GGNBP2: variants seen among roughly 807,000 people sequenced by gnomAD.
The protein encoded by GGNBP2 is gametogenetin binding protein 2.
A neutral mutation model predicts 85.9 loss-of-function variants in GGNBP2; 10 were observed. The observed-to-expected ratio is 0.12, with a 90% CI of 0.07 to 0.20. The LOEUF (loss-of-function observed/expected upper bound fraction) is 0.20. Among genes scored for constraint, GGNBP2 ranks in the 10% least tolerant of loss-of-function variants. The pLI is 1.00. For synonymous variants in GGNBP2, 287 were observed against 285.7 expected, an observed-to-expected ratio of 1.00 and a Z score of -0.05; for missense variants, 595 against 857.8, an observed-to-expected ratio of 0.69 and a Z score of 3.83.
At chr17:36,551,465 A>G (rs375616671) in intron 2 of GGNBP2, among the ~76,000 whole-genome samples, 2 of 151,958 alleles carry the variant, frequency 1.3e-5, no homozygotes, top group African/African-American at 2.4e-5. Flanking sequence ...GGGCCTCCCA[A>G]AGTGCTGGGA....
At chr17:36,551,010 G>A (rs116103706) in intron 2 of GGNBP2, among the ~76,000 whole-genome samples, 371 of 152,298 alleles carry the variant, frequency 2.4e-3, no homozygotes, top group African/African-American at 8.4e-3. Flanking sequence ...TGAAAGGCGA[G>A]GACAGAGTAT....
chr17:36,548,894 A>C (rs980060154), intron 2 of GGNBP2, among the ~76,000 whole-genome samples: 2 of 150,646 alleles, frequency 1.3e-5, no homozygotes, highest in African/African-American at 4.9e-5. Flanking sequence ...GCAGTGAGCC[A>C]AGATTGCGCC....
At chr17:36,554,953 T>G (rs915090042) in intron 3 of GGNBP2, 53 bp downstream of exon 3, 16 of 1,071,056 alleles carry the variant, frequency 1.5e-5, no homozygotes, top group Non-Finnish European at 2.0e-5. Context: ...TTTTAAAGAC[T>G]CATTTAAAAT....
chr17:36,567,768 A>G lies in GGNBP2; in HGVS notation c.633A>G (p.Arg211=), dbSNP rs972370406. ...CLLETLETYL[R]KHRFCTDCKN... ...TAGAAACACTAGAAACATATCTGCG[A>G]AAACACAGGTAAGTCTGATGGTTGT... Residue 211 remains arginine, a synonymous_variant, in exon 6 of 14, where the codon CGA becomes CGG. Coordinates refer to ENST00000613102, the MANE Select transcript of GGNBP2 (RefSeq NM_024835.5). The G allele has an allele frequency of 1.9e-6, 3 of 1,549,440 alleles. No homozygotes were observed. Among genetic ancestry groups the G allele is most frequent in the African/African-American group, 2.7e-5 (2 of 73,622 alleles).
At chr17:36,573,173 C>T (rs1206817714) in intron 6 of GGNBP2, among the ~76,000 whole-genome samples, 1 of 152,030 alleles carries the variant, frequency 6.6e-6, no homozygotes, top group Non-Finnish European at 1.5e-5. Context: ...GGTGCAGTGG[C>T]TTGATCTCGG....
At chr17:36,550,833 C>T (rs1464542211) in intron 2 of GGNBP2, among the ~76,000 whole-genome samples, 2 of 152,132 alleles carry the variant, frequency 1.3e-5, no homozygotes, top group Non-Finnish European at 2.9e-5. Flanking sequence ...CTTTAGGTAA[C>T]CTAGAATCTC....
intron 9 of GGNBP2, among the ~76,000 whole-genome samples, chr17:36,583,129 C>T (rs2074667534): frequency 6.6e-6 from 1 of 152,056 alleles, no homozygotes; most frequent in African/African-American, 2.4e-5. Context: ...TCTCGGCTCA[C>T]TGCAACCTCC....
Position 36,585,383 on chromosome 17 carries a change from C to G in GGNBP2, c.1299C>G (p.Thr433=). The G allele has an allele frequency of 6.2e-7, 1 of 1,611,890 alleles. No homozygotes were observed. Among genetic ancestry groups the G allele is most frequent in the Non-Finnish European group, 8.5e-7 (1 of 1,178,258 alleles). The change falls in exon 10 of 14, where the codon ACC becomes ACG. Residue 433 remains threonine, a synonymous_variant. Coordinates refer to ENST00000613102, the MANE Select transcript of GGNBP2 (RefSeq NM_024835.5). ...ATACTTGTGTAGAAGTAATTGTTAC[C>G]AATGAAAATACATCATGTACCTGTC... ...DGNTCVEVIV[T]NENTSCTCPS...
At chr17:36,570,224 G>A (rs572373740) in intron 6 of GGNBP2, among the ~76,000 whole-genome samples, 3 of 151,900 alleles carry the variant, frequency 2.0e-5, no homozygotes, top group Admixed American at 1.3e-4. Context: ...CAAAAAAGCA[G>A]AAAAATTAGC....
chr17:36,578,245 G>C, intron 7 of GGNBP2, 59 bp downstream of exon 7: 1 of 1,298,672 alleles, frequency 7.7e-7, no homozygotes, highest in Non-Finnish European at 1.1e-6. Context: ...TTTTATTACT[G>C]AAAGTTTATT....
intron 8 of GGNBP2, among the ~76,000 whole-genome samples, chr17:36,580,358 C>T (rs2074635586): frequency 6.6e-6 from 1 of 151,536 alleles, no homozygotes; most frequent in South Asian, 2.1e-4. Context: ...CAGGCGCCCG[C>T]CACCACGCTC....
intron 2 of GGNBP2, among the ~76,000 whole-genome samples, chr17:36,549,147 A>G (rs989115926): frequency 6.6e-6 from 1 of 152,244 alleles, no homozygotes; most frequent in Non-Finnish European, 1.5e-5. Flanking sequence ...CAGTGTTACT[A>G]CAATTATAAA....
At chr17:36,587,858 G>C (rs1324538620) in intron 13 of GGNBP2, among the ~76,000 whole-genome samples, 1 of 152,198 alleles carries the variant, frequency 6.6e-6, no homozygotes. Flanking sequence ...CTGCAGTCCA[G>C]CCTGGCGACA....
intron 6 of GGNBP2, among the ~76,000 whole-genome samples, chr17:36,572,539 A>G (rs537153193): frequency 6.6e-6 from 1 of 152,182 alleles, no homozygotes; most frequent in South Asian, 2.1e-4. Context: ...GAATACAAAT[A>G]TTAGCCATGC....
intron 2 of GGNBP2, among the ~76,000 whole-genome samples, chr17:36,548,362 C>T (rs542551023): frequency 3.3e-5 from 5 of 151,992 alleles, no homozygotes; most frequent in Admixed American, 1.3e-4. Context: ...CGCTTGTAAT[C>T]CCAGCACTTT....
chr17:36,565,887 C>T (rs1323753992), intron 5 of GGNBP2, among the ~76,000 whole-genome samples: 1 of 152,172 alleles, frequency 6.6e-6, no homozygotes, highest in Non-Finnish European at 1.5e-5. Flanking sequence ...CAGAGTGAGA[C>T]TCTGTCTCAA....
At chr17:36,545,992 C>G in intron 2 of GGNBP2, 175 bp downstream of exon 2, 1 of 551,538 alleles carries the variant, frequency 1.8e-6, no homozygotes. Context: ...GCTCGGTAAC[C>G]TCTGTCGGCC....
intron 6 of GGNBP2, among the ~76,000 whole-genome samples, chr17:36,570,731 AC>A (rs2074515413): frequency 6.6e-6 from 1 of 151,742 alleles, no homozygotes; most frequent in Non-Finnish European, 1.5e-5. Context: ...AAAAAGAATT[AC>A]GGTAGAGGCC....
At chr17:36,546,648 A>G (rs1333683962) in intron 2 of GGNBP2, 2 of 152,196 alleles carry the variant, frequency 1.3e-5, no homozygotes, top group Non-Finnish European at 2.9e-5. Flanking sequence ...TGAACAGGAA[A>G]TGAGTGCAGT....
Sources: allele counts gnomAD v4.1 joint callset (sites outside exome capture counted in the v4.1 genomes callset), GRCh38; gene constraint gnomAD v4.1.1; transcripts MANE v1.5; gene names NCBI Gene and HGNC (gene_info 2026-07-23, HGNC 2026-07-21).